The following POLRMT variants were observed in gnomAD, a reference collection of about 807,000 sequenced individuals.
The protein encoded by POLRMT is RNA polymerase mitochondrial, also known as DNA-directed RNA polymerase, mitochondrial.
POLRMT carries 114 observed loss-of-function variants against 132.2 expected under a neutral mutation model. The ratio of observed to expected loss-of-function variants is 0.86; its 90% CI spans 0.74 to 1.01. The LOEUF (loss-of-function observed/expected upper bound fraction) is 1.01. POLRMT is among the 50% of genes least tolerant of loss of function. The pLI is 0.00. For synonymous variants in POLRMT, 1,020 were observed against 773.4 expected (o/e 1.32, Z -5.29); for missense variants, 2,003 against 1,729.1 (o/e 1.16, Z -2.81).
At chr19:623,095 C>T (rs1984758976) in intron 6 of POLRMT, 110 bp from the exon 7 acceptor site, 2 of 1,332,856 alleles carry the variant, frequency 1.5e-6, no homozygotes, top group Non-Finnish European at 2.0e-6. Context: ...CCTCAAGGTC[C>T]CTGCTGTGTG....
intron 3 of POLRMT, among the ~76,000 whole-genome samples, chr19:627,750 G>C (rs920891398): frequency 4.0e-5 from 6 of 151,088 alleles, no homozygotes; most frequent in Admixed American, 2.6e-4. Flanking sequence ...CATGGCAAAA[G>C]CCCGTCTCTA....
chr19:632,734 G>A (rs1267382277), intron 2 of POLRMT, 100 bp downstream of exon 2: 9 of 1,038,308 alleles, frequency 8.7e-6, no homozygotes, highest in Non-Finnish European at 1.2e-5. Context: ...GAGAGGTGGA[G>A]ACCGCCCTCA....
rs767782097 is a variant in POLRMT, at chr19:621,669, C to T, written c.2029G>A (p.Ala677Thr). Reference sequence around the variant, plus strand: ...TCCAGCAGCTCCTGGTGCTGCGTGGCGCCTTCCACCGTGCGCATCAGCTTG... The same window carrying T: ...TCCAGCAGCTCCTGGTGCTGCGTGGTGCCTTCCACCGTGCGCATCAGCTTG... ...PTKLMRTVEG[A>T]TQHQELLETC... Residue 677 changes from alanine to threonine, a missense_variant, in exon 10 of 21, where the codon GCC becomes ACC. Transcript: ENST00000588649. The T allele has an allele frequency of 1.8e-5, 28 of 1,552,368 alleles. No individual in the cohort carries two copies. In the African/African-American group the frequency reaches 3.3e-4, roughly 18 times the overall value.
Position 621,464 on chromosome 19 carries a change from T to C in POLRMT, c.2234A>G (p.His745Arg). ...PSEAPQPPEAHLPHSAAPARK... is the reference protein window; with the variant it reads ...PSEAPQPPEARLPHSAAPARK... ...GGCGGGCGCGGCGCTGTGCGGCAGG[T>C]GGGCCTCGGGCGGCTGGGGCGCCTC... Residue 745 changes from histidine to arginine, a missense_variant, in exon 10 of 21, where the codon CAC (histidine) becomes CGC (arginine). Coordinates refer to ENST00000588649, the MANE Select transcript of POLRMT (RefSeq NM_005035.4). 4.4e-6 allele frequency: 6 copies of C among 1,378,524 alleles called. No homozygotes were observed. The highest frequency in any genetic ancestry group is 5.6e-6 in the Non-Finnish European group (6 of 1,074,188). 85.4% of individuals were successfully genotyped at this position (1,378,524 alleles called of 1,614,324 possible). A position where few individuals can be genotyped will look rare whatever the true frequency, so the allele number is the denominator to read the frequency against.
At chr19:623,097 T>TG in intron 6 of POLRMT, 112 bp from the exon 7 acceptor site, 1 of 1,320,980 alleles carries the variant, frequency 7.6e-7, no homozygotes, top group South Asian at 1.5e-5. Flanking sequence ...TCAAGGTCCC[T>TG]GCTGTGTGTT....
chr19:630,260 G>A (rs1439769285), intron 2 of POLRMT, 92 bp from the exon 3 acceptor site: 4 of 1,444,434 alleles, frequency 2.8e-6, no homozygotes, highest in African/African-American at 2.8e-5. Flanking sequence ...AGGAGGTGCA[G>A]GTGGCTGAGC....
intron 13 of POLRMT, 57 bp downstream of exon 13, chr19:619,529 C>CG (rs1984328502): frequency 6.3e-7 from 1 of 1,598,964 alleles, no homozygotes; most frequent in South Asian, 1.1e-5. Flanking sequence ...GCACACCCGT[C>CG]TGAGTTTTAA....
At chr19:624,545 G>A (rs902092996) in intron 5 of POLRMT, among the ~76,000 whole-genome samples, 174 bp downstream of exon 5, 7 of 152,106 alleles carry the variant, frequency 4.6e-5, no homozygotes, top group Non-Finnish European at 8.8e-5. Context: ...TCAGGGCCAA[G>A]ACCCTCCCAG....
intron 15 of POLRMT, 71 bp downstream of exon 15, chr19:618,926 G>T: frequency 7.2e-7 from 1 of 1,385,438 alleles, no homozygotes; most frequent in South Asian, 1.3e-5. Flanking sequence ...GTACGCTGGG[G>T]CACTGGTACA....
chr19:623,389 T>G, intron 6 of POLRMT, 65 bp downstream of exon 6: 1 of 1,583,574 alleles, frequency 6.3e-7, no homozygotes. Flanking sequence ...GCTCAGCCCG[T>G]GCGGTGGACA....
rs376371137 is a variant in POLRMT, at chr19:617,225, G to C, written c.*49C>G. 4.4e-6 allele frequency: 7 copies of C among 1,598,982 alleles called. No individual in the cohort carries two copies. In the East Asian group the frequency reaches 8.9e-5, roughly 20 times the overall value. ...ACCCTTCCTGAAGACAGTGGCTCCTGGGGGTGGCAAAAGAGCTTTATTTAC... is the reference window on the plus strand; with the variant it reads ...ACCCTTCCTGAAGACAGTGGCTCCTCGGGGTGGCAAAAGAGCTTTATTTAC... On this transcript the variant is annotated 3_prime_UTR_variant, in exon 21 of 21. Coordinates refer to ENST00000588649, the MANE Select transcript of POLRMT (RefSeq NM_005035.4).
chr19:617,609 T>G lies in POLRMT; in HGVS notation c.3542A>C (p.Gln1181Pro), dbSNP rs778207346. The part of the protein sequence containing the change: ...FVRLHSEPIL[Q>P]DLSRFLVKRF... The stretch of plus-strand genomic sequence containing the variant: ...CTTGACCAGGAATCTGGACAGGTCC[T>G]GCAGGATGGGCTCGCTGTGCAAGCG... The change falls in exon 19 of 21, where the codon CAG becomes CCG. Residue 1181 changes from glutamine to proline, a missense_variant. Gln to Pro is a moderately conservative substitution (Grantham distance 76, BLOSUM62 -1). Coordinates refer to ENST00000588649, the MANE Select transcript of POLRMT (RefSeq NM_005035.4). 1 of 1,612,488 alleles carries G rather than the reference T, an allele frequency of 6.2e-7. No homozygotes were observed. The highest frequency in any genetic ancestry group is 1.7e-5 in the Admixed American group (1 of 60,020).
At chr19:620,734 G>A (rs1351420889) in intron 10 of POLRMT, among the ~76,000 whole-genome samples, 4 of 137,672 alleles carry the variant, frequency 2.9e-5, no homozygotes, top group African/African-American at 8.1e-5. Flanking sequence ...GAGGAGGGTG[G>A]ACAGAGGACC....
At chr19:619,382 C>A in intron 13 of POLRMT, 86 bp from the exon 14 acceptor site, 1 of 1,488,680 alleles carries the variant, frequency 6.7e-7, no homozygotes. Flanking sequence ...CACTGAGGCC[C>A]AAGGCCTAGG....
rs1985263269 is a variant in POLRMT, at chr19:629,676, A to G, written c.686T>C (p.Phe229Ser). Residue 229 changes from phenylalanine to serine, a missense_variant, in exon 3 of 21, where the codon TTC becomes TCC. Transcript: ENST00000588649. ...GTCAGTGAGCAGGCAGCACTTGAAGAAGGCCAGGAGCCTCTGCTGCTGACC... is the reference window on the plus strand; with the variant it reads ...GTCAGTGAGCAGGCAGCACTTGAAGGAGGCCAGGAGCCTCTGCTGCTGACC... ...LSGQQQRLLA[F>S]FKCCLLTDQL... 2.5e-6 allele frequency: 4 copies of G among 1,609,914 alleles called. No individual in the cohort carries two copies. The highest frequency in any genetic ancestry group is 4.5e-5 in the East Asian group (2 of 44,840).
In POLRMT at chr19:632,945, GA is replaced by G; in HGVS notation, c.89-8del. 6.7e-7 allele frequency: 1 copy of G among 1,496,322 alleles called. No homozygotes were observed. The highest frequency in any genetic ancestry group is 8.9e-7 in the Non-Finnish European group (1 of 1,127,108). The allele number at this position is 1,496,322 out of a possible 1,614,324, so 92.7% of individuals were successfully genotyped here. ...CAGACGCCACCGGCGGTCCCTGCGG[GA>G]AAGACGAGAGCGGCTGAGCGGGGCC... On this transcript the variant is annotated splice_region_variant and splice_polypyrimidine_tract_variant and intron_variant, in intron 1 of 20. Coordinates refer to ENST00000588649, the MANE Select transcript of POLRMT (RefSeq NM_005035.4).
Position 621,600 on chromosome 19 carries a change from TG to T in POLRMT, c.2097del (p.Thr700ProfsTer30), listed in dbSNP as rs1984608788. Reference sequence around the variant, plus strand: ...CGCCAGGCGCAGTTGCCCAGTTGGGTGAGGGCGTCCAGTGCGCCATGCAGCG... The same window carrying T: ...CGCCAGGCGCAGTTGCCCAGTTGGGTAGGGCGTCCAGTGCGCCATGCAGCG... Reference protein sequence around the residue: ...PTALHGALDALTQLGNCAWRV... With the variant: ...PTALHGALDAXTQLGNCAWRV... On this transcript the variant is annotated frameshift_variant, in exon 10 of 21. Transcript: ENST00000588649. LOFTEE classifies it high-confidence loss of function. 6.7e-7 allele frequency: 1 copy of T among 1,497,732 alleles called. No individual in the cohort carries two copies. The highest frequency in any genetic ancestry group is 2.2e-5 in the Admixed American group (1 of 45,722). 92.8% of individuals were successfully genotyped at this position (1,497,732 alleles called of 1,614,324 possible).
intron 5 of POLRMT, among the ~76,000 whole-genome samples, chr19:624,015 C>A (rs895301216): frequency 6.6e-6 from 1 of 152,250 alleles, no homozygotes; most frequent in African/African-American, 2.4e-5. Context: ...GACGCACGTC[C>A]ACATAAAAGC....
rs1984343850 is a variant in POLRMT, at chr19:619,658, C to T, written c.2994G>A (p.Val998=). ...GCCCGCCATAGCGCGTGACCCCGTACACCACCGTCATCACCGTCTGCTTCA... is the reference window on the plus strand; with the variant it reads ...GCCCGCCATAGCGCGTGACCCCGTATACCACCGTCATCACCGTCTGCTTCA... The part of the protein sequence containing the change: ...KVVKQTVMTV[V]YGVTRYGGRL... The change falls in exon 13 of 21, where the codon GTG becomes GTA. Residue 998 remains valine, a synonymous_variant. Transcript: ENST00000588649. The T allele has an allele frequency of 6.2e-6, 10 of 1,610,620 alleles. No individual in the cohort carries two copies. Among genetic ancestry groups the T allele is most frequent in the East Asian group, 2.2e-5 (1 of 44,890 alleles).
Sources: allele counts gnomAD v4.1 joint callset (sites outside exome capture counted in the v4.1 genomes callset), GRCh38; gene constraint gnomAD v4.1.1; transcripts MANE v1.5; gene names NCBI Gene and HGNC (gene_info 2026-07-23, HGNC 2026-07-21).